Variants in STK17B observed in about 807,000 individuals in gnomAD.
STK17B encodes the protein serine/threonine-protein kinase 17B.
STK17B carries 21 observed loss-of-function variants against 42.0 expected under a neutral mutation model. The observed-to-expected ratio is 0.50, with a 90% confidence interval of 0.35 to 0.72. STK17B has a LOEUF of 0.72. Among genes scored for constraint, STK17B ranks in the 30% least tolerant of loss-of-function variants. The probability of loss-of-function intolerance (pLI) is 0.00; values close to 1 mark genes in which losing one functional copy is unlikely to be tolerated. For synonymous variants in STK17B, 143 were observed against 148.4 expected (o/e 0.96, Z 0.26); for missense variants, 349 against 446.0 (o/e 0.78, Z 1.96).
At chr2:196,140,300 C>T (rs1699475031) in intron 6 of STK17B, among the ~76,000 whole-genome samples, 1 of 152,240 alleles carries the variant, frequency 6.6e-6, no homozygotes, top group African/African-American at 2.4e-5. Flanking sequence ...GTACATGTTT[C>T]ACCAACTTAT....
chr2:196,166,540 G>A (rs1434226650), intron 1 of STK17B, among the ~76,000 whole-genome samples: 1 of 152,050 alleles, frequency 6.6e-6, no homozygotes, highest in Admixed American at 6.5e-5. Flanking sequence ...GTGTATACAC[G>A]ATTAGATCCT....
At chr2:196,162,819 A>T (rs763552020) in intron 2 of STK17B, among the ~76,000 whole-genome samples, 1 of 151,954 alleles carries the variant, frequency 6.6e-6, no homozygotes, top group African/African-American at 2.4e-5. Context: ...AGCCCAGGAG[A>T]CAGGAGGTTG....
At chr2:196,149,308 C>T (rs1466291062) in intron 3 of STK17B, among the ~76,000 whole-genome samples, 4 of 151,978 alleles carry the variant, frequency 2.6e-5, no homozygotes, top group Non-Finnish European at 5.9e-5. Context: ...GGACTACAGG[C>T]GCGTGGCACC....
chr2:196,171,247 C>T (rs145153748), intron 1 of STK17B, 86 bp downstream of exon 1: 1 of 152,298 alleles, frequency 6.6e-6, no homozygotes, highest in South Asian at 2.1e-4. Flanking sequence ...CTCGGGTCCT[C>T]CTTCCTCACG....
At chr2:196,168,396 T>G (rs1699896741) in intron 1 of STK17B, among the ~76,000 whole-genome samples, 1 of 152,222 alleles carries the variant, frequency 6.6e-6, no homozygotes, top group African/African-American at 2.4e-5. Context: ...AAATGCATGG[T>G]GCTTGTCACT....
chr2:196,143,028 A>G (rs533095301), intron 5 of STK17B, among the ~76,000 whole-genome samples: 1 of 152,348 alleles, frequency 6.6e-6, no homozygotes, highest in East Asian at 1.9e-4. Context: ...ACTCTTCTTC[A>G]AAACCCTACT....
rs758016461 is a variant in STK17B at position 196,137,415 on chromosome 2, A to C, written c.*32T>G. Reference sequence around the variant, plus strand: ...TCACTGGAGTGGATATAAAATTTCAAATTCAGTCCAAATGAGTCAAAGAAA... The same window carrying C: ...TCACTGGAGTGGATATAAAATTTCACATTCAGTCCAAATGAGTCAAAGAAA... On this transcript the variant is annotated 3_prime_UTR_variant, in exon 8 of 8. Transcript: ENST00000263955. 1.2e-5 allele frequency: 19 copies of C among 1,592,964 alleles called. No individual in the cohort carries two copies. Among genetic ancestry groups the C allele is most frequent in the Non-Finnish European group, 1.5e-5 (18 of 1,170,562 alleles).
intron 2 of STK17B, among the ~76,000 whole-genome samples, chr2:196,162,127 C>T (rs180788875): frequency 1.2e-4 from 19 of 152,276 alleles, no homozygotes; most frequent in Non-Finnish European, 1.8e-4. Context: ...TCATTAAGCA[C>T]CTTTAATTTA....
In STK17B at chr2:196,138,231, CACACAT is replaced by C. The variant is rs985506609; in HGVS notation, c.837-508_837-503del. 7.2e-4 allele frequency among the ~76,000 whole-genome samples: 110 copies of C among 152,324 alleles called. 1 individual carries two copies. The highest frequency in any genetic ancestry group is 4.0e-3 in the Admixed American group (61 of 15,296). On this transcript the variant is annotated intron_variant, in intron 7 of 7. Coordinates refer to ENST00000263955, the MANE Select transcript of STK17B (RefSeq NM_004226.4). The stretch of plus-strand genomic sequence containing the variant: ...GCATATACATACACAAACATATACA[CACACAT>C]ACACATACACAGCTTCACATACTCC...
At chr2:196,148,317 G>C (rs1016667761) in intron 3 of STK17B, among the ~76,000 whole-genome samples, 7 of 152,158 alleles carry the variant, frequency 4.6e-5, no homozygotes, top group African/African-American at 9.7e-5. Context: ...CAGACTGGCA[G>C]TGACACCATC....
In STK17B at chr2:196,145,896, A is replaced by G. The variant is rs1559410029; in HGVS notation, c.480+15T>C. 2 of 1,549,872 alleles carry G rather than the reference A, an allele frequency of 1.3e-6. No individual in the cohort carries two copies. The highest frequency in any genetic ancestry group is 1.7e-6 in the Non-Finnish European group (2 of 1,153,648). ...GAACACAGATGTTGCATTACTTTAAATCACGTTACGTTACCTTTAAATCAA... is the reference window on the plus strand; with the variant it reads ...GAACACAGATGTTGCATTACTTTAAGTCACGTTACGTTACCTTTAAATCAA... On this transcript the variant is annotated intron_variant, in intron 4 of 7. Transcript: ENST00000263955.
intron 1 of STK17B, among the ~76,000 whole-genome samples, chr2:196,168,596 T>A (rs1470696600): frequency 2.6e-5 from 4 of 152,198 alleles, no homozygotes; most frequent in Non-Finnish European, 5.9e-5. Flanking sequence ...TTGGAGTAAT[T>A]GCAAAGGGTC....
chr2:196,148,600 A>G (rs73048467), intron 3 of STK17B, among the ~76,000 whole-genome samples: 8,809 of 152,226 alleles, frequency 0.058, 414 homozygotes, highest in African/African-American at 0.14. Context: ...AAATAACTTG[A>G]AATTATTAGA....
In STK17B at chr2:196,169,068, A is replaced by ATT. The variant is rs571438990; in HGVS notation, c.-45+2263_-45+2264dup. On this transcript the variant is annotated intron_variant, in intron 1 of 7. Transcript: ENST00000263955. The stretch of plus-strand genomic sequence containing the variant: ...TAAAAGTAGTAAGCCTAGGAATACT[A>ATT]TTTTTTTTTTTTTTTTTTTTTTTTT... Among the ~76,000 whole-genome samples, 167 of 112,670 alleles carry ATT rather than the reference A, an allele frequency of 1.5e-3. 4 individuals carry two copies. Among genetic ancestry groups the ATT allele is most frequent in the Middle Eastern group, 5.1e-3 (1 of 198 alleles). 73.9% of individuals were successfully genotyped at this position (112,670 alleles called of 152,430 possible).
At chr2:196,152,872 TGA>T (rs1699684932) in intron 3 of STK17B, among the ~76,000 whole-genome samples, 1 of 152,182 alleles carries the variant, frequency 6.6e-6, no homozygotes, top group South Asian at 2.1e-4. Context: ...GGAATAGGAA[TGA>T]GAGCAAGATT....
At position 196,138,470 on chromosome 2, in the gene STK17B, G is replaced by C. The variant is rs180817447; in HGVS notation, c.837-741C>G. 2.1e-3 allele frequency among the ~76,000 whole-genome samples: 315 copies of C among 152,200 alleles called. 1 individual carries two copies. The highest frequency in any genetic ancestry group is 7.4e-3 in the African/African-American group (308 of 41,518). ...AATGAATATTGAGAAAATGTTTTTT[G>C]GGATCTTCTCTAATTATGTTCATAG... On this transcript the variant is annotated intron_variant, in intron 7 of 7. Coordinates refer to ENST00000263955, the MANE Select transcript of STK17B (RefSeq NM_004226.4).
intron 5 of STK17B, among the ~76,000 whole-genome samples, chr2:196,143,217 G>A (rs1292280044): frequency 6.6e-6 from 1 of 152,100 alleles, no homozygotes; most frequent in Non-Finnish European, 1.5e-5. Flanking sequence ...AGACAATCAT[G>A]GGCCACTTCA....
chr2:196,142,670 T>C (rs537095357), intron 5 of STK17B, among the ~76,000 whole-genome samples: 1 of 152,378 alleles, frequency 6.6e-6, no homozygotes, highest in East Asian at 1.9e-4. Flanking sequence ...TTAAACCACC[T>C]ACATTTTCAC....
chr2:196,170,526 T>C (rs973993991), intron 1 of STK17B, among the ~76,000 whole-genome samples: 1 of 152,230 alleles, frequency 6.6e-6, no homozygotes, highest in African/African-American at 2.4e-5. Flanking sequence ...CAGAAACTAA[T>C]GCCAGCTACC....
Sources: gnomAD v4.1 joint callset for allele counts (sites outside exome capture counted in the v4.1 genomes callset) on GRCh38, gnomAD v4.1.1 for gene constraint, MANE v1.5 for transcripts, NCBI Gene and HGNC (gene_info 2026-07-23, HGNC 2026-07-21) for gene names.